CDH13: variants seen among roughly 807,000 people sequenced by gnomAD.
CDH13 encodes cadherin 13.
CDH13 carries 24 observed loss-of-function variants against 63.8 expected under a neutral mutation model. The ratio of observed to expected loss-of-function variants is 0.38; its 90% CI spans 0.27 to 0.53. CDH13 has a LOEUF of 0.53. Ranked by LOEUF, CDH13 falls within the 20% of genes least tolerant of loss-of-function variation. The probability of loss-of-function intolerance (pLI) is 0.85; values close to 1 mark genes in which losing one functional copy is unlikely to be tolerated. For missense variants in CDH13, 1,049 were observed against 903.1 expected (o/e 1.16, Z -2.07); for synonymous variants, 503 against 355.3 (o/e 1.42, Z -4.67).
intron 6 of CDH13, among the ~76,000 whole-genome samples, chr16:83,481,870 G>A (rs1378851975): frequency 6.6e-6 from 1 of 152,180 alleles, no homozygotes; most frequent in Non-Finnish European, 1.5e-5. Flanking sequence ...CACAAGACAA[G>A]CCCGGATAGG....
At chr16:83,042,642 C>T (rs953058400) in intron 3 of CDH13, among the ~76,000 whole-genome samples, 2 of 152,146 alleles carry the variant, frequency 1.3e-5, no homozygotes, top group Non-Finnish European at 2.9e-5. Flanking sequence ...AATTGTCTTC[C>T]ATGAAACGGG....
At chr16:83,562,011 A>T (rs1268102243) in intron 7 of CDH13, among the ~76,000 whole-genome samples, 1 of 152,194 alleles carries the variant, frequency 6.6e-6, no homozygotes, top group Non-Finnish European at 1.5e-5. Context: ...TAGAGAGCAG[A>T]ATTCTGAGAA....
intron 9 of CDH13, among the ~76,000 whole-genome samples, chr16:83,677,894 C>T (rs975505631): frequency 6.6e-6 from 1 of 152,124 alleles, no homozygotes; most frequent in African/African-American, 2.4e-5. Context: ...GTTCAAGTCA[C>T]TCACTGCCCA....
chr16:83,290,082 C>G (rs1567567679), intron 5 of CDH13, among the ~76,000 whole-genome samples: 1 of 152,164 alleles, frequency 6.6e-6, no homozygotes, highest in African/African-American at 2.4e-5. Context: ...GCTGTGTATA[C>G]TCTTTTCTGT....
At chr16:83,565,878 C>G (rs1366477094) in intron 7 of CDH13, among the ~76,000 whole-genome samples, 1 of 151,544 alleles carries the variant, frequency 6.6e-6, no homozygotes, top group African/African-American at 2.4e-5. Context: ...TTATTCTTTT[C>G]TGGCTTATGA....
intron 11 of CDH13, among the ~76,000 whole-genome samples, chr16:83,776,708 C>G (rs1260504829): frequency 1.3e-5 from 2 of 152,174 alleles, no homozygotes; most frequent in Non-Finnish European, 2.9e-5. Context: ...AATCCGGTTA[C>G]TTCTCTTCAC....
chr16:82,941,631 C>G (rs973263210), intron 2 of CDH13, among the ~76,000 whole-genome samples: 1 of 152,128 alleles, frequency 6.6e-6, no homozygotes, highest in African/African-American at 2.4e-5. Flanking sequence ...ATATTAAACA[C>G]GGCTATTCTT....
At chr16:82,729,008 CA>C (rs2033253620) in intron 1 of CDH13, among the ~76,000 whole-genome samples, 1 of 152,158 alleles carries the variant, frequency 6.6e-6, no homozygotes, top group South Asian at 2.1e-4. Context: ...CTCATCTGTT[CA>C]AGTTTTATCA....
intron 1 of CDH13, among the ~76,000 whole-genome samples, chr16:82,765,846 T>C (rs1330353233): frequency 6.6e-6 from 1 of 152,142 alleles, no homozygotes; most frequent in African/African-American, 2.4e-5. Flanking sequence ...TGGATATTGG[T>C]TTCTTCTTAT....
chr16:83,441,819 A>T (rs538918502), intron 6 of CDH13, among the ~76,000 whole-genome samples: 27 of 152,282 alleles, frequency 1.8e-4, no homozygotes, highest in African/African-American at 6.0e-4. Flanking sequence ...CTCTACTCCA[A>T]AAGGAAATGT....
intron 5 of CDH13, among the ~76,000 whole-genome samples, chr16:83,258,167 T>G (rs908849358): frequency 7.9e-5 from 12 of 152,238 alleles, no homozygotes; most frequent in Admixed American, 3.3e-4. Context: ...TCACATTCAT[T>G]AAGATGAGTG....
At chr16:83,028,984 T>C (rs933316882) in intron 2 of CDH13, among the ~76,000 whole-genome samples, 2 of 152,190 alleles carry the variant, frequency 1.3e-5, no homozygotes, top group Admixed American at 6.5e-5. Context: ...CTGTGTGTAC[T>C]GGGCACCAAC....
intron 4 of CDH13, among the ~76,000 whole-genome samples, chr16:83,201,496 T>C (rs1169729993): frequency 6.6e-6 from 1 of 151,790 alleles, no homozygotes; most frequent in African/African-American, 2.4e-5. Context: ...AGGAGACCCA[T>C]GTGGTAAGGT....
chr16:83,493,059 C>G (rs1222269566), intron 7 of CDH13, among the ~76,000 whole-genome samples: 1 of 143,998 alleles, frequency 6.9e-6, no homozygotes, highest in East Asian at 1.9e-4. Flanking sequence ...GTTGTGAGAC[C>G]TCTCTAAACC....
At chr16:83,487,158 T>C (rs2073908526) in intron 7 of CDH13, among the ~76,000 whole-genome samples, 1 of 152,188 alleles carries the variant, frequency 6.6e-6, no homozygotes, top group East Asian at 1.9e-4. Flanking sequence ...CCCTTTAGGC[T>C]TTCTCCGTGA....
At chr16:82,926,059 A>T (rs554903003) in intron 2 of CDH13, 1 of 152,218 alleles carries the variant, frequency 6.6e-6, no homozygotes, top group East Asian at 1.9e-4. Context: ...AATAAAAAAG[A>T]CATTTTAATT....
intron 10 of CDH13, among the ~76,000 whole-genome samples, chr16:83,696,303 A>G (rs1163995713): frequency 6.6e-6 from 1 of 152,174 alleles, no homozygotes; most frequent in African/African-American, 2.4e-5. Flanking sequence ...AACACCTGTG[A>G]TATCTTTTTA....
chr16:83,687,043 G>C (rs8050683), intron 10 of CDH13, among the ~76,000 whole-genome samples: 82,709 of 151,914 alleles, frequency 0.54, 23,356 homozygotes, highest in African/African-American at 0.67. Context: ...AACCCCATCT[G>C]TACTAAAAAT....
chr16:83,519,388 A>G lies in CDH13; in HGVS notation c.960+32733A>G, dbSNP rs540439551. On this transcript the variant is annotated intron_variant, in intron 7 of 13. Coordinates refer to ENST00000567109, the MANE Select transcript of CDH13 (RefSeq NM_001257.5). ...CAGAAGACAGCTGATTGGTTTAAGT[A>G]ATAGTCTAGGGACAAAGAAAGAACT... Among the ~76,000 whole-genome samples, 6 of 152,378 alleles carry G rather than the reference A, an allele frequency of 3.9e-5. No homozygotes were observed. The South Asian group carries it at 1.2e-3, about 32-fold the overall frequency.
Sources: allele counts gnomAD v4.1 joint callset (sites outside exome capture counted in the v4.1 genomes callset), GRCh38; gene constraint gnomAD v4.1.1; transcripts MANE v1.5; gene names NCBI Gene and HGNC (gene_info 2026-07-23, HGNC 2026-07-21).